GRXCR2: variants seen among roughly 807,000 people sequenced by gnomAD.
GRXCR2 encodes glutaredoxin and cysteine rich domain containing 2, also known as glutaredoxin domain-containing cysteine-rich protein 2.
In GRXCR2, 23 loss-of-function variants were observed where a neutral mutation model predicts 24.8. That is an observed-to-expected ratio of 0.93 (90% CI 0.67 to 1.32). GRXCR2 has a LOEUF of 1.32. GRXCR2 is among the 40% of genes most tolerant of loss of function. The pLI, the probability that GRXCR2 is intolerant of heterozygous loss-of-function variation, is 0.00. For missense variants in GRXCR2, 315 were observed against 303.4 expected (o/e 1.04, Z -0.28); for synonymous variants, 130 against 116.1 (o/e 1.12, Z -0.77).
intron 2 of GRXCR2, among the ~76,000 whole-genome samples, chr5:145,862,808 GAT>G (rs922704411): frequency 6.6e-6 from 1 of 152,174 alleles, no homozygotes; most frequent in Non-Finnish European, 1.5e-5. Context: ...TACTTAACCT[GAT>G]CCTCAGTTTC....
In GRXCR2 at chr5:145,872,689, A is replaced by G. The variant is rs748646305; in HGVS notation, c.280T>C (p.Tyr94His). The G allele has an allele frequency of 1.9e-6, 3 of 1,612,540 alleles. No individual in the cohort carries two copies. Among genetic ancestry groups the G allele is most frequent in the Non-Finnish European group, 2.5e-6 (3 of 1,178,726 alleles). ...CGAGGCTGGCCGCCTGCCAAGGTGT[A>G]GGCATTACCCTCTCTAAACACACTG... Reference protein sequence around the residue: ...RISVFREGNAYTLAGGQPRFN... With the variant: ...RISVFREGNAHTLAGGQPRFN... Residue 94 changes from tyrosine to histidine, a missense_variant, in exon 1 of 3, where the codon TAC (tyrosine) becomes CAC (histidine). Coordinates refer to ENST00000377976, the MANE Select transcript of GRXCR2 (RefSeq NM_001080516.2).
chr5:145,921,596 G>A (rs1043779826), intron 2 of GRXCR2, among the ~76,000 whole-genome samples: 6 of 152,202 alleles, frequency 3.9e-5, no homozygotes, highest in Non-Finnish European at 7.3e-5. Context: ...GGGTAATGAT[G>A]CCAGGAATGG....
At chr5:145,899,241 C>T (rs79562679) in intron 2 of GRXCR2, among the ~76,000 whole-genome samples, 2,075 of 152,068 alleles carry the variant, frequency 0.014, 61 homozygotes, top group African/African-American at 0.047. Context: ...AAAAACACTG[C>T]CAAGAGAAAT....
At chr5:145,915,750 A>G (rs1375707530) in intron 2 of GRXCR2, among the ~76,000 whole-genome samples, 31 of 150,522 alleles carry the variant, frequency 2.1e-4, no homozygotes, top group African/African-American at 7.3e-4. Flanking sequence ...AAAAAAAGGA[A>G]GAAGAAGGTA....
At chr5:145,902,137 T>C (rs1454211050) in intron 2 of GRXCR2, among the ~76,000 whole-genome samples, 1 of 152,020 alleles carries the variant, frequency 6.6e-6, no homozygotes, top group Non-Finnish European at 1.5e-5. Context: ...GCTCTGTCAC[T>C]CAGGCTGGAG....
intron 2 of GRXCR2, among the ~76,000 whole-genome samples, chr5:145,898,090 G>A (rs1756974940): frequency 6.6e-6 from 1 of 151,948 alleles, no homozygotes; most frequent in South Asian, 2.1e-4. Context: ...GAGAGAAAGA[G>A]AGAGAATATC....
intron 2 of GRXCR2, among the ~76,000 whole-genome samples, chr5:145,920,997 C>T (rs1561691953): frequency 1.3e-5 from 2 of 152,226 alleles, no homozygotes; most frequent in African/African-American, 4.8e-5. Context: ...TCCCAGCCTC[C>T]AGAACTATGA....
upstream of GRXCR2, among the ~76,000 whole-genome samples, chr5:145,876,281 C>CT (rs533734278): frequency 0.075 from 9,607 of 127,822 alleles, 650 homozygotes; most frequent in African/African-American, 0.18. Flanking sequence ...TATTATTTTC[C>CT]TTTTTTTTTT....
chr5:145,896,095 C>T (rs979230019), intron 2 of GRXCR2, among the ~76,000 whole-genome samples: 1 of 152,122 alleles, frequency 6.6e-6, no homozygotes, highest in South Asian at 2.1e-4. Flanking sequence ...AAAGCTGAAA[C>T]TGGATCCCTT....
At position 145,872,857 on chromosome 5, in the gene GRXCR2, C is replaced by G. The variant is rs553452852; in HGVS notation, c.112G>C (p.Asp38His). 2.5e-6 allele frequency: 4 copies of G among 1,613,994 alleles called. No individual in the cohort carries two copies. Among genetic ancestry groups the G allele is most frequent in the Non-Finnish European group, 2.5e-6 (3 of 1,180,006 alleles). Reference sequence around the variant, plus strand: ...TTTGGTGACTCTAATTCCTGCCCATCCTCAAAGACCTGCTTCAATACTCGA... The same window carrying G: ...TTTGGTGACTCTAATTCCTGCCCATGCTCAAAGACCTGCTTCAATACTCGA... ...SGRVLKQVFEDGQELESPKEE... is the reference protein window; with the variant it reads ...SGRVLKQVFEHGQELESPKEE... Residue 38 changes from aspartate to histidine, a missense_variant, in exon 1 of 3, where the codon GAT becomes CAT. Physicochemically the swap from Asp to His is moderately conservative, Grantham distance 81 (BLOSUM62 -1). Transcript: ENST00000377976.
chr5:145,876,212 TATATAC>T (rs1397945317), upstream of GRXCR2, among the ~76,000 whole-genome samples: 11 of 140,012 alleles, frequency 7.9e-5, no homozygotes, highest in South Asian at 4.5e-4. Flanking sequence ...TATATATATA[TATATAC>T]ACACACACAC....
chr5:145,901,681 C>T (rs10053998), intron 2 of GRXCR2, among the ~76,000 whole-genome samples: 7,686 of 152,084 alleles, frequency 0.051, 638 homozygotes, highest in African/African-American at 0.17. Context: ...CTGAGAAGCA[C>T]CCTTGAGTAG....
At chr5:145,858,316 C>CAAAA (rs139918161), downstream of GRXCR2, among the ~76,000 whole-genome samples, 51,910 of 120,310 alleles carry the variant, frequency 0.43, 12,111 homozygotes, top group Non-Finnish European at 0.53. Context: ...CTGTCTCCCA[C>CAAAA]AAAAAAAAAA....
rs530488245 is a variant in GRXCR2 at position 145,892,482 on chromosome 5, G to A, written c.-69-25754C>T. Among the ~76,000 whole-genome samples the A allele has an allele frequency of 7.2e-5, 11 of 152,296 alleles. No homozygotes were observed. In the East Asian group the frequency reaches 7.7e-4, roughly 11 times the overall value. Reference sequence around the variant, plus strand: ...AACCATGGCACGAGAACTACATGACGAATGCACAAGTCTCAGTAGCCAATT... The same window carrying A: ...AACCATGGCACGAGAACTACATGACAAATGCACAAGTCTCAGTAGCCAATT... On this transcript the variant is annotated intron_variant, in intron 2 of 3. Coordinates refer to the GRXCR2 transcript ENST00000639411.
rs1756285198 is a variant in GRXCR2, at chr5:145,858,988, TATATC to T, written c.*740_*744del. 1 of 152,256 alleles carries T rather than the reference TATATC, an allele frequency of 6.6e-6. No individual in the cohort carries two copies. The highest frequency in any genetic ancestry group is 2.1e-4 in the South Asian group (1 of 4,832). The allele number at this position is 152,256 out of a possible 1,614,324, so 9.4% of individuals were successfully genotyped here. On this transcript the variant is annotated 3_prime_UTR_variant, in exon 3 of 3. Coordinates refer to ENST00000377976, the MANE Select transcript of GRXCR2 (RefSeq NM_001080516.2). ...TAGTAATTCAGGGGCTCGAAGAAGT[TATATC>T]ATACACACATATTTGAGCACCAAAT...
chr5:145,902,746 A>T (rs530372726), intron 2 of GRXCR2, among the ~76,000 whole-genome samples: 2 of 152,198 alleles, frequency 1.3e-5, no homozygotes, highest in Non-Finnish European at 2.9e-5. Context: ...AACAGCAAAC[A>T]TTTTTGAGCA....
At chr5:145,884,682 T>G (rs1351310169) in intron 2 of GRXCR2, among the ~76,000 whole-genome samples, 1 of 152,144 alleles carries the variant, frequency 6.6e-6, no homozygotes, top group Non-Finnish European at 1.5e-5. Flanking sequence ...ATTCCTCCAA[T>G]TTTTGTATGT....
At chr5:145,880,029 G>C (rs981974538) in intron 2 of GRXCR2, among the ~76,000 whole-genome samples, 18 of 152,186 alleles carry the variant, frequency 1.2e-4, no homozygotes, top group Non-Finnish European at 2.2e-4. Context: ...GAATCTCTGG[G>C]ACACATTTAA....
At chr5:145,916,404 A>C (rs1192294892) in intron 2 of GRXCR2, among the ~76,000 whole-genome samples, 5 of 152,148 alleles carry the variant, frequency 3.3e-5, no homozygotes, top group Non-Finnish European at 7.3e-5. Flanking sequence ...ATTCATGATC[A>C]GTTACAGGCA....
Sources: gnomAD v4.1 joint callset for allele counts (sites outside exome capture counted in the v4.1 genomes callset) on GRCh38, gnomAD v4.1.1 for gene constraint, MANE v1.5 for transcripts, NCBI Gene and HGNC (gene_info 2026-07-23, HGNC 2026-07-21) for gene names.